The following TLR1 variants were observed in gnomAD, a reference collection of about 807,000 sequenced individuals.
TLR1 encodes toll like receptor 1.
TLR1 carries 19 observed loss-of-function variants against 20.2 expected under a neutral mutation model. The ratio of observed to expected loss-of-function variants is 0.94; its 90% CI spans 0.66 to 1.38. TLR1 has a LOEUF of 1.38. TLR1 is among the 40% of genes most tolerant of loss of function. The probability of loss-of-function intolerance (pLI) is 0.00; values close to 1 mark genes in which losing one functional copy is unlikely to be tolerated. For missense variants in TLR1, 921 were observed against 910.0 expected (o/e 1.01, Z -0.16); for synonymous variants, 320 against 334.5 (o/e 0.96, Z 0.47).
At chr4:38,790,389 T>G (rs148908176), downstream of TLR1, among the ~76,000 whole-genome samples, 32 of 152,360 alleles carry the variant, frequency 2.1e-4, no homozygotes, top group East Asian at 5.8e-3. Context: ...CTATACAATT[T>G]TGAAGGTATT....
chr4:38,803,242 TCC>T (rs1169226087), intron 2 of TLR1, among the ~76,000 whole-genome samples: 1 of 152,146 alleles, frequency 6.6e-6, no homozygotes, highest in Non-Finnish European at 1.5e-5. Context: ...TATCTGCTCA[TCC>T]ACCCCCTCCC....
In TLR1 at chr4:38,798,283, G is replaced by T. The variant is rs1726313006; in HGVS notation, c.549C>A (p.Gly183=). 6.2e-7 allele frequency: 1 copy of T among 1,611,208 alleles called. No individual in the cohort carries two copies. The highest frequency in any genetic ancestry group is 8.5e-7 in the Non-Finnish European group (1 of 1,178,356). ...ETYGEKEDPE[G]LQDFNTESLH... ...GACTCTCAGTGTTAAAGTCTTGAAGGCCCTCAGGGTCTTCTTTTTCCCCAT... is the reference window on the plus strand; with the variant it reads ...GACTCTCAGTGTTAAAGTCTTGAAGTCCCTCAGGGTCTTCTTTTTCCCCAT... The change falls in exon 4 of 4, where the codon GGC becomes GGA. Residue 183 remains glycine (G), a synonymous_variant. Transcript: ENST00000308979.
rs749783321 is a variant in TLR1 at position 38,797,038 on chromosome 4, GGTCACA to G, written c.1788_1793del (p.Val597_Thr598del). ...GCAGATCCAAGTAGCTGCAGAGGGA[GGTCACA>G]GTCACAGCCAACACCAGCATGGTGG... On this transcript the variant is annotated inframe_deletion, in exon 4 of 4. Transcript: ENST00000308979. 2 of 1,614,066 alleles carry G rather than the reference GGTCACA, an allele frequency of 1.2e-6. No homozygotes were observed. Among genetic ancestry groups the G allele is most frequent in the Non-Finnish European group, 1.7e-6 (2 of 1,180,050 alleles).
Position 38,798,367 on chromosome 4 carries a change from A to G in TLR1, c.465T>C (p.Ser155=), listed in dbSNP as rs768090175. Residue 155 remains serine (S), a synonymous_variant, in exon 4 of 4, where the codon AGT becomes AGC. Transcript: ENST00000308979. ...GLSTTHLEKS[S]VLPIAHLNIS... ...TATTCAAATGAGCAATTGGCAGCAC[A>G]CTAGATTTTTCTAAGTGTGTGGTGC... The G allele has an allele frequency of 6.8e-6, 11 of 1,613,970 alleles. No homozygotes were observed. The highest frequency in any genetic ancestry group is 8.5e-7 in the Non-Finnish European group (1 of 1,179,936).
chr4:38,798,440 A>G lies in TLR1; in HGVS notation c.392T>C (p.Ile131Thr). 6.2e-7 allele frequency: 1 copy of G among 1,613,916 alleles called. No individual in the cohort carries two copies. Among genetic ancestry groups the G allele is most frequent in the Non-Finnish European group, 8.5e-7 (1 of 1,179,854 alleles). The part of the protein sequence containing the change: ...LSFNAFDALP[I>T]CKEFGNMSQL... ...AGACATATTGCCAAACTCTTTGCAT[A>G]TAGGCAGGGCATCAAATGCATTAAA... is the stretch of plus-strand genomic sequence containing the variant. Residue 131 changes from isoleucine to threonine, a missense_variant, in exon 4 of 4, where the codon ATA becomes ACA. Coordinates refer to ENST00000308979, the MANE Select transcript of TLR1 (RefSeq NM_003263.4).
downstream of TLR1, among the ~76,000 whole-genome samples, chr4:38,789,826 T>G (rs1232783912): frequency 6.6e-6 from 1 of 152,340 alleles, no homozygotes. Flanking sequence ...CTCTTACTTT[T>G]GGTTAAATTG....
intron 2 of TLR1, 144 bp from the exon 3 acceptor site, chr4:38,801,092 G>A (rs1227586714): frequency 1.3e-5 from 2 of 152,614 alleles, no homozygotes; most frequent in Non-Finnish European, 2.9e-5. Context: ...ACTCACACAA[G>A]GAGCAATATT....
chr4:38,794,804 A>G (rs1725926860), downstream of TLR1, among the ~76,000 whole-genome samples: 1 of 152,112 alleles, frequency 6.6e-6, no homozygotes, highest in African/African-American at 2.4e-5. Context: ...AAGCTAATAG[A>G]TATGTATGTG....
chr4:38,802,269 G>A (rs1726718428), intron 2 of TLR1, among the ~76,000 whole-genome samples: 1 of 148,380 alleles, frequency 6.7e-6, no homozygotes, highest in Non-Finnish European at 1.5e-5. Context: ...ATCAGGGAAA[G>A]TCAGTCTCCT....
Position 38,798,689 on chromosome 4 carries a change from G to T in TLR1, c.143C>A (p.Thr48Lys). ...ATAATTTTGCGATATATTTAAGATT[G>T]TTGTTTTCTGGGATAGGTCTTTAGG... ...HVPKDLSQKT[T>K]ILNISQNYIS... Residue 48 changes from threonine (T) to lysine (K), a missense_variant, in exon 4 of 4, where the codon ACA becomes AAA. Transcript: ENST00000308979. The T allele has an allele frequency of 1.2e-6, 2 of 1,613,998 alleles. No individual in the cohort carries two copies. The highest frequency in any genetic ancestry group is 8.5e-7 in the Non-Finnish European group (1 of 1,179,962).
chr4:38,797,852 T>C lies in TLR1; in HGVS notation c.980A>G (p.Asn327Ser). Residue 327 changes from asparagine (N) to serine (S), a missense_variant, in exon 4 of 4, where the codon AAC becomes AGC. Transcript: ENST00000308979. The part of the protein sequence containing the change: ...SYIYEIFSNM[N>S]IKNFTVSGTR... The stretch of plus-strand genomic sequence containing the variant: ...ACCAGACACTGTGAAATTTTTGATG[T>C]TCATATTCGAAAAGATTTCATAGAT... 1.2e-6 allele frequency: 2 copies of C among 1,614,052 alleles called. No homozygotes were observed. Among genetic ancestry groups the C allele is most frequent in the Non-Finnish European group, 1.7e-6 (2 of 1,179,882 alleles).
In TLR1 at chr4:38,798,912, AATGAAATG is replaced by A; in HGVS notation, c.-67-22_-67-15del. The A allele has an allele frequency of 8.7e-7, 1 of 1,146,870 alleles. No homozygotes were observed. Among genetic ancestry groups the A allele is most frequent in the Non-Finnish European group, 1.2e-6 (1 of 819,836 alleles). The allele number at this position is 1,146,870 out of a possible 1,614,324, so 71.0% of individuals were successfully genotyped here. On this transcript the variant is annotated splice_polypyrimidine_tract_variant and intron_variant, in intron 3 of 3. Transcript: ENST00000308979. Reference sequence around the variant, plus strand: ...CAGATACAGATTCTAGAAAAAAAATAATGAAATGATGAAATACATTACATACATTTTTA... The same window carrying A: ...CAGATACAGATTCTAGAAAAAAAATAATGAAATACATTACATACATTTTTA...
At chr4:38,801,771 T>A (rs1220281419) in intron 2 of TLR1, among the ~76,000 whole-genome samples, 2 of 152,160 alleles carry the variant, frequency 1.3e-5, no homozygotes, top group Non-Finnish European at 2.9e-5. Flanking sequence ...ATCACAAAAA[T>A]ATATAAATTT....
chr4:38,797,363 C>CT lies in TLR1; in HGVS notation c.1468dup (p.Ser490LysfsTer9). The CT allele has an allele frequency of 6.2e-7, 1 of 1,614,046 alleles. No individual in the cohort carries two copies. On this transcript the variant is annotated frameshift_variant, in exon 4 of 4. Coordinates refer to ENST00000308979, the MANE Select transcript of TLR1 (RefSeq NM_003263.4). LOFTEE classifies it high-confidence loss of function. ...ATCAATGATCAATACAGAAAGGCTG[C>CT]TAAAGCTGCCACATCCAGGAAGGTC...
In TLR1 at chr4:38,796,460, T is replaced by C; in HGVS notation, c.*11A>G. On this transcript the variant is annotated 3_prime_UTR_variant, in exon 4 of 4. Transcript: ENST00000308979. ...ATCAACAGGAGGAATATTTTTCACTTGATGTGTAATCTATTTCTTTGCTTG... is the reference window on the plus strand; with the variant it reads ...ATCAACAGGAGGAATATTTTTCACTCGATGTGTAATCTATTTCTTTGCTTG... 6.3e-7 allele frequency: 1 copy of C among 1,597,356 alleles called. No individual in the cohort carries two copies. The highest frequency in any genetic ancestry group is 1.1e-5 in the South Asian group (1 of 89,948).
At position 38,796,581 on chromosome 4, in the gene TLR1, C is replaced by A; in HGVS notation, c.2251G>T (p.Ala751Ser). ...SSYHKLKSLMARRTYLEWPKE... is the reference protein window; with the variant it reads ...SSYHKLKSLMSRRTYLEWPKE... ...GGCCATTCCAAATAAGTCCTCCTGG[C>A]CATGAGACTTTTGAGCTTGTGATAA... Residue 751 changes from alanine (A) to serine (S), a missense_variant, in exon 4 of 4, where the codon GCC becomes TCC. Physicochemically the swap from Ala to Ser is moderately conservative, Grantham distance 99. Coordinates refer to ENST00000308979, the MANE Select transcript of TLR1 (RefSeq NM_003263.4). The A allele has an allele frequency of 1.9e-6, 3 of 1,614,176 alleles. No homozygotes were observed. Among genetic ancestry groups the A allele is most frequent in the East Asian group, 4.5e-5 (2 of 44,882 alleles).
At chr4:38,804,558 T>TG (rs1464136432) in intron 1 of TLR1, among the ~76,000 whole-genome samples, 176 bp from the exon 2 acceptor site, 1 of 152,172 alleles carries the variant, frequency 6.6e-6, no homozygotes, top group African/African-American at 2.4e-5. Flanking sequence ...CAGAGGAGTG[T>TG]GGGGACTTTC....
downstream of TLR1, among the ~76,000 whole-genome samples, chr4:38,793,509 T>C (rs567583035): frequency 1.3e-4 from 20 of 152,206 alleles, no homozygotes; most frequent in South Asian, 2.1e-4. Context: ...TTTATCATAC[T>C]TTGGCCTGAA....
chr4:38,787,802 G>A (rs1213775354), downstream of TLR1, among the ~76,000 whole-genome samples: 4 of 152,114 alleles, frequency 2.6e-5, no homozygotes, highest in South Asian at 2.1e-4. Context: ...TACACAAACA[G>A]GACTAGAGCC....
Sources: gnomAD v4.1 joint callset for allele counts (sites outside exome capture counted in the v4.1 genomes callset) on GRCh38, gnomAD v4.1.1 for gene constraint, MANE v1.5 for transcripts, NCBI Gene and HGNC (gene_info 2026-07-23, HGNC 2026-07-21) for gene names.